KANSL1: variants seen among roughly 807,000 people sequenced by gnomAD.
The protein encoded by KANSL1 is KAT8 regulatory NSL complex subunit 1.
In KANSL1, 22 loss-of-function variants were observed where a neutral mutation model predicts 103.6. The ratio of observed to expected loss-of-function variants is 0.21; its 90% CI spans 0.15 to 0.30. KANSL1 has a LOEUF of 0.30. KANSL1 is among the 10% of genes least tolerant of loss of function. KANSL1 has a pLI of 1.00. For missense variants in KANSL1, 1,337 were observed against 1,399.8 expected, an observed-to-expected ratio of 0.96 and a Z score of 0.72; for synonymous variants, 600 against 527.6, an observed-to-expected ratio of 1.14 and a Z score of -1.88.
intron 2 of KANSL1, among the ~76,000 whole-genome samples, chr17:46,125,101 A>AGAGGGAGG (rs749562466): frequency 3.7e-4 from 7 of 19,028 alleles, no homozygotes; most frequent in African/African-American, 9.9e-4. Flanking sequence ...AGGGAGGGAG[A>AGAGGGAGG]GAGGGAGGGA....
intron 1 of KANSL1, among the ~76,000 whole-genome samples, chr17:46,191,202 A>G (rs1436173146): frequency 6.6e-6 from 1 of 152,272 alleles, no homozygotes; most frequent in Non-Finnish European, 1.5e-5. Flanking sequence ...CATACTTCTA[A>G]AACTACAGGA....
At chr17:46,036,041 AG>A (rs1429182275) in intron 10 of KANSL1, 1 of 147,696 alleles carries the variant, frequency 6.8e-6, no homozygotes, top group African/African-American at 2.4e-5. Context: ...AAAAAAAAAA[AG>A]GTTCTAGGAC....
intron 4 of KANSL1, among the ~76,000 whole-genome samples, chr17:46,074,183 G>A (rs951018467): frequency 6.6e-6 from 1 of 152,110 alleles, no homozygotes; most frequent in Non-Finnish European, 1.5e-5. Context: ...TCTAGTATTA[G>A]AAAGTATTTC....
rs998547120 is a variant in KANSL1 at position 46,055,323 on chromosome 17, G to C, written c.1849-4619C>G. ...TACTAAAAATACAAAAAATTAGCCG[G>C]GCATGGTGGCGGGCGCCTGTAATCC... On this transcript the variant is annotated intron_variant, in intron 6 of 14. Coordinates refer to ENST00000432791, the MANE Select transcript of KANSL1 (RefSeq NM_015443.4). 4.1e-4 allele frequency among the ~76,000 whole-genome samples: 62 copies of C among 151,934 alleles called. 1 individual carries two copies. The East Asian group carries it at 7.3e-3, about 18-fold the overall frequency.
intron 2 of KANSL1, among the ~76,000 whole-genome samples, chr17:46,161,238 C>G (rs1460435662): frequency 7.5e-6 from 1 of 132,866 alleles, no homozygotes; most frequent in Non-Finnish European, 1.5e-5. Flanking sequence ...CATGATGAAA[C>G]CCCACCTCTA....
intron 2 of KANSL1, among the ~76,000 whole-genome samples, chr17:46,167,499 T>C (rs987444934): frequency 1.3e-5 from 2 of 152,216 alleles, no homozygotes; most frequent in African/African-American, 4.8e-5. Context: ...TGATGAAATA[T>C]CATTGTTTAG....
At chr17:46,048,945 A>C (rs1470378902) in intron 7 of KANSL1, among the ~76,000 whole-genome samples, 1 of 152,150 alleles carries the variant, frequency 6.6e-6, no homozygotes, top group African/African-American at 2.4e-5. Context: ...TATTTATTCT[A>C]AGACAGACAA....
At chr17:46,195,681 T>TA (rs1334360001), upstream of KANSL1, among the ~76,000 whole-genome samples, 2 of 152,208 alleles carry the variant, frequency 1.3e-5, no homozygotes, top group African/African-American at 4.8e-5. Context: ...GCCTCTTGAG[T>TA]AGCTGGCACT....
intron 2 of KANSL1, among the ~76,000 whole-genome samples, chr17:46,108,065 T>C (rs62061820): frequency 0.15 from 22,226 of 151,916 alleles, 2,217 homozygotes; most frequent in Middle Eastern, 0.26. Flanking sequence ...TTCAGGATAT[T>C]ATCATGAACA....
intron 4 of KANSL1, among the ~76,000 whole-genome samples, chr17:46,077,744 G>C (rs2078836531): frequency 6.6e-6 from 1 of 151,936 alleles, no homozygotes. Flanking sequence ...TTTTAGTAGA[G>C]ATAGGGTTTC....
chr17:46,206,276 T>C (rs1179199759), intron 1 of KANSL1, among the ~76,000 whole-genome samples: 1 of 152,154 alleles, frequency 6.6e-6, no homozygotes, highest in African/African-American at 2.4e-5. Flanking sequence ...TTTGAAAACA[T>C]AATTCAAAGC....
At chr17:46,117,015 T>C (rs17577447) in intron 2 of KANSL1, among the ~76,000 whole-genome samples, 1 of 152,136 alleles carries the variant, frequency 6.6e-6, no homozygotes, top group Non-Finnish European at 1.5e-5. Context: ...AAAAAAATTT[T>C]TATGAGGGAA....
intron 2 of KANSL1, among the ~76,000 whole-genome samples, chr17:46,147,172 G>T (rs541032312): frequency 1.3e-5 from 2 of 152,170 alleles, no homozygotes; most frequent in Non-Finnish European, 2.9e-5. Flanking sequence ...AATATGATCC[G>T]ATTTAAAAAG....
At chr17:46,139,144 C>T (rs2044295289) in intron 2 of KANSL1, among the ~76,000 whole-genome samples, 1 of 152,124 alleles carries the variant, frequency 6.6e-6, no homozygotes, top group Admixed American at 6.6e-5. Context: ...TAAAACAATA[C>T]CTAGGACATC....
chr17:46,111,035 A>G (rs1005069096), intron 2 of KANSL1, among the ~76,000 whole-genome samples: 9 of 152,260 alleles, frequency 5.9e-5, no homozygotes, highest in African/African-American at 2.2e-4. Flanking sequence ...CCTGGTTGTG[A>G]TAACTACCTA....
intron 2 of KANSL1, among the ~76,000 whole-genome samples, chr17:46,112,544 A>G (rs78929339): frequency 0.14 from 21,357 of 150,084 alleles, 2,098 homozygotes; most frequent in Non-Finnish European, 0.22. Flanking sequence ...AATTAGCCGG[A>G]CATGGTGGTG....
At chr17:46,192,401 C>T (rs1362850447) in intron 1 of KANSL1, 1 of 152,328 alleles carries the variant, frequency 6.6e-6, no homozygotes, top group African/African-American at 2.4e-5. Flanking sequence ...ATGAAACAAT[C>T]AGAGTTGTGA....
chr17:46,209,799 T>C (rs2048098731), intron 1 of KANSL1, among the ~76,000 whole-genome samples: 1 of 152,326 alleles, frequency 6.6e-6, no homozygotes, highest in South Asian at 2.1e-4. Flanking sequence ...CAGCCCCTTC[T>C]CTGTGTTTTA....
intron 2 of KANSL1, among the ~76,000 whole-genome samples, chr17:46,135,828 G>T (rs2044113069): frequency 6.6e-6 from 1 of 151,344 alleles, no homozygotes; most frequent in African/African-American, 2.4e-5. Context: ...ACTGCACCTG[G>T]CCTATATTGC....
Sources: gnomAD v4.1 joint callset for allele counts (sites outside exome capture counted in the v4.1 genomes callset) on GRCh38, gnomAD v4.1.1 for gene constraint, MANE v1.5 for transcripts, NCBI Gene and HGNC (gene_info 2026-07-23, HGNC 2026-07-21) for gene names.